GPLD1: variants seen among roughly 807,000 people sequenced by gnomAD.
The protein encoded by GPLD1 is phosphatidylinositol-glycan-specific phospholipase D.
A neutral mutation model predicts 112.6 loss-of-function variants in GPLD1; 84 were observed. The ratio of observed to expected loss-of-function variants is 0.75; its 90% confidence interval spans 0.63 to 0.89. GPLD1 has a LOEUF of 0.89. GPLD1 is among the 40% of genes least tolerant of loss of function. The probability of loss-of-function intolerance (pLI) is 0.00; values close to 1 mark genes in which losing one functional copy is unlikely to be tolerated. For missense variants in GPLD1, 1,044 were observed against 1,051.5 expected, an observed-to-expected ratio of 0.99 and a Z score of 0.10; for synonymous variants, 386 against 403.8, an observed-to-expected ratio of 0.96 and a Z score of 0.53.
Position 24,448,027 on chromosome 6 carries a change from A to G in GPLD1, c.1528T>C (p.Tyr510His). Residue 510 changes from tyrosine to histidine, a missense_variant, in exon 17 of 25, where the codon TAC becomes CAC. Coordinates refer to ENST00000230036, the MANE Select transcript of GPLD1 (RefSeq NM_001503.4). ...PNITISCQDI[Y>H]CNLGWTLLAA... ...AAGAGAGTCCAGCCCAAGTTACAGTAGATGTCCTTAAGAAGAAACCAGGAA... is the reference window on the plus strand; with the variant it reads ...AAGAGAGTCCAGCCCAAGTTACAGTGGATGTCCTTAAGAAGAAACCAGGAA... 6.2e-7 allele frequency: 1 copy of G among 1,613,752 alleles called. No individual in the cohort carries two copies. Among genetic ancestry groups the G allele is most frequent in the Non-Finnish European group, 8.5e-7 (1 of 1,179,916 alleles).
chr6:24,480,062 A>AT (rs575097261), intron 2 of GPLD1, 103 bp from the exon 3 acceptor site: 2 of 713,342 alleles, frequency 2.8e-6, no homozygotes, highest in Non-Finnish European at 5.1e-6. Context: ...ATATGGGGGT[A>AT]TAGATGGAAT....
intron 24 of GPLD1, among the ~76,000 whole-genome samples, chr6:24,432,542 G>GTGAGCCGAGGTTGCA (rs1762439111): frequency 6.6e-6 from 1 of 151,970 alleles, no homozygotes; most frequent in East Asian, 1.9e-4. Context: ...TGGAGGTTGC[G>GTGAGCCGAGGTTGCA]GTGAGCCAAA....
At chr6:24,445,495 C>A (rs112387836) in intron 20 of GPLD1, 51 bp downstream of exon 20, 41,223 of 1,221,416 alleles carry the variant, frequency 0.034, 855 homozygotes, top group Middle Eastern at 0.078. Flanking sequence ...ACGACATGTA[C>A]AAGCAGCCAC....
At chr6:24,485,455 T>A (rs1296787577) in intron 2 of GPLD1, among the ~76,000 whole-genome samples, 2 of 150,860 alleles carry the variant, frequency 1.3e-5, no homozygotes, top group African/African-American at 2.4e-5. Context: ...AGCACATTTT[T>A]AAAAATGTAC....
intron 7 of GPLD1, among the ~76,000 whole-genome samples, chr6:24,471,901 A>C (rs1326119762): frequency 1.3e-5 from 2 of 152,150 alleles, no homozygotes; most frequent in African/African-American, 4.8e-5. Context: ...CGGATTTCTT[A>C]AATAAGACAT....
rs1291511317 is a variant in GPLD1, at chr6:24,449,809, A to G, written c.1426T>C (p.Ser476Pro). Residue 476 changes from serine (S) to proline (P), a missense_variant, in exon 15 of 25, where the codon TCC becomes CCC. Physicochemically the swap from Ser to Pro is moderately conservative, Grantham distance 74. Coordinates refer to ENST00000230036, the MANE Select transcript of GPLD1 (RefSeq NM_001503.4). ...CTTACTTTGTAGGTGAGCTGCTCGG[A>G]GCCCACCGAGGGAGCTCCCACGGCC... ...DLAVGAPSVG[S>P]EQLTYKGAVY... The G allele has an allele frequency of 2.5e-6, 4 of 1,612,380 alleles. No individual in the cohort carries two copies. The highest frequency in any genetic ancestry group is 1.1e-5 in the South Asian group (1 of 91,038).
In GPLD1 at chr6:24,427,382, C is replaced by T. The variant is rs757473974; in HGVS notation, c.*1650G>A. 6.6e-6 allele frequency among the ~76,000 whole-genome samples: 1 copy of T among 152,170 alleles called. No homozygotes were observed. Among genetic ancestry groups the T allele is most frequent in the Non-Finnish European group, 1.5e-5 (1 of 68,034 alleles). ...TTTTGGCACAAGTTGTAACCTAATG[C>T]GACAAAGGTCCCTCATGAGATGGCT... On this transcript the variant is annotated 3_prime_UTR_variant, in exon 25 of 25. Coordinates refer to ENST00000230036, the MANE Select transcript of GPLD1 (RefSeq NM_001503.4).
chr6:24,473,503 A>G, intron 6 of GPLD1, 116 bp downstream of exon 6: 1 of 650,664 alleles, frequency 1.5e-6, no homozygotes, highest in Non-Finnish European at 2.8e-6. Flanking sequence ...AACATTAAAT[A>G]GAAAATACAT....
rs1190158998 is a variant in GPLD1 at position 24,446,951 on chromosome 6, C to T, written c.1707G>A (p.Trp569Ter). The change falls in exon 18 of 25, where the codon TGG becomes TGA. Residue 569 changes from tryptophan to a stop codon, truncating the protein, a stop_gained. Transcript: ENST00000230036. LOFTEE classifies it high-confidence loss of function. ...KEKLNVEAAN[W>*]TVRGEEDFSW... The stretch of plus-strand genomic sequence containing the variant: ...AGAAGTCTTCCTCGCCTCTCACCGT[C>T]CAGTTGGCTGCCTCCACGTTCAGTT... The T allele has an allele frequency of 6.2e-7, 1 of 1,613,672 alleles. No homozygotes were observed. The highest frequency in any genetic ancestry group is 1.1e-5 in the South Asian group (1 of 90,990).
chr6:24,487,146 TATC>T (rs1764403616), intron 1 of GPLD1, among the ~76,000 whole-genome samples: 1 of 144,162 alleles, frequency 6.9e-6, no homozygotes, highest in African/African-American at 2.7e-5. Flanking sequence ...TAAGCATTAA[TATC>T]ATAAAAGTCA....
rs772873026 is a variant in GPLD1 at position 24,454,005 on chromosome 6, G to A, written c.1335+10C>T. 2 of 1,576,770 alleles carry A rather than the reference G, an allele frequency of 1.3e-6. No individual in the cohort carries two copies. The highest frequency in any genetic ancestry group is 2.2e-5 in the South Asian group (2 of 89,090). ...ACCACTAGAAGAGAAAGGATGAGATGGTGTCTCACCTGGAAGCCTTCAAGG... is the reference window on the plus strand; with the variant it reads ...ACCACTAGAAGAGAAAGGATGAGATAGTGTCTCACCTGGAAGCCTTCAAGG... On this transcript the variant is annotated intron_variant, in intron 14 of 24. Coordinates refer to ENST00000230036, the MANE Select transcript of GPLD1 (RefSeq NM_001503.4).
chr6:24,470,837 G>C (rs1387919485), intron 7 of GPLD1, among the ~76,000 whole-genome samples: 1 of 152,162 alleles, frequency 6.6e-6, no homozygotes, highest in Non-Finnish European at 1.5e-5. Flanking sequence ...GACCTCAGGT[G>C]ATTCACCTGC....
At chr6:24,465,696 T>C (rs1763583175) in intron 10 of GPLD1, among the ~76,000 whole-genome samples, 1 of 152,112 alleles carries the variant, frequency 6.6e-6, no homozygotes, top group Non-Finnish European at 1.5e-5. Context: ...ACAATCACAG[T>C]CTACCTTATC....
chr6:24,456,460 G>C (rs1231526599), intron 13 of GPLD1, 38 bp downstream of exon 13: 8 of 1,357,098 alleles, frequency 5.9e-6, no homozygotes, highest in African/African-American at 1.5e-5. Flanking sequence ...AATTAATACT[G>C]AAGAAAACAT....
intron 14 of GPLD1, among the ~76,000 whole-genome samples, chr6:24,451,784 T>G (rs1187041943): frequency 2.0e-5 from 3 of 152,258 alleles, no homozygotes; most frequent in African/African-American, 4.8e-5. Context: ...CTATAAGTGC[T>G]GCCCCTTTCT....
upstream of GPLD1, among the ~76,000 whole-genome samples, chr6:24,494,343 C>T (rs1764633137): frequency 6.6e-6 from 1 of 152,136 alleles, no homozygotes; most frequent in South Asian, 2.1e-4. Context: ...AGTTTGGATC[C>T]TAGTCTGTTT....
At chr6:24,495,080 C>T (rs1764661725) in exon 1 of GPLD1, 3 of 1,319,886 alleles carry the variant, frequency 2.3e-6, no homozygotes, top group Non-Finnish European at 2.9e-6. Context: ...GCCCCCGCGC[C>T]GGCGGCCTGG....
intron 5 of GPLD1, among the ~76,000 whole-genome samples, chr6:24,474,169 C>CCACACACA (rs1274637237): frequency 2.7e-5 from 2 of 74,162 alleles, no homozygotes; most frequent in East Asian, 2.8e-4. Flanking sequence ...AAAACCACAC[C>CCACACACA]CACATACACA....
In GPLD1 at chr6:24,466,713, T is replaced by C; in HGVS notation, c.788A>G (p.His263Arg). The C allele has an allele frequency of 4.3e-6, 7 of 1,612,496 alleles. No homozygotes were observed. Among genetic ancestry groups the C allele is most frequent in the East Asian group, 2.2e-5 (1 of 44,864 alleles). The part of the protein sequence containing the change: ...DMAFWSTNIY[H>R]LTSFMLENGT... ...ATTCTCCAACATGAAGCTTGTTAGA[T>C]GGTAAATATTAGTGGACCAAAATGC... is the stretch of plus-strand genomic sequence containing the variant. The change falls in exon 10 of 25, where the codon CAT becomes CGT. Residue 263 changes from histidine (H) to arginine (R), a missense_variant. Transcript: ENST00000230036.
Sources: allele counts gnomAD v4.1 joint callset (sites outside exome capture counted in the v4.1 genomes callset), GRCh38; gene constraint gnomAD v4.1.1; transcripts MANE v1.5; gene names NCBI Gene and HGNC (gene_info 2026-07-23, HGNC 2026-07-21).